The following SCD5 variants were observed in gnomAD, a reference collection of about 807,000 sequenced individuals.
SCD5 encodes stearoyl-CoA desaturase 5, also known as acyl-CoA-desaturase 4.
In SCD5, 20 loss-of-function variants were observed where a neutral mutation model predicts 30.4. The ratio of observed to expected loss-of-function variants is 0.66; its 90% confidence interval spans 0.46 to 0.96. The LOEUF (loss-of-function observed/expected upper bound fraction) is 0.96, where lower values mean the gene tolerates loss of function less well. Ranked by LOEUF, SCD5 falls within the 40% of genes least tolerant of loss-of-function variation. SCD5 has a pLI of 0.00. For missense variants in SCD5, 381 were observed against 443.3 expected (o/e 0.86, Z 1.26); for synonymous variants, 173 against 176.4 (o/e 0.98, Z 0.16).
At chr4:82,753,930 G>A (rs536040275) in intron 1 of SCD5, among the ~76,000 whole-genome samples, 3 of 152,278 alleles carry the variant, frequency 2.0e-5, no homozygotes, top group African/African-American at 7.2e-5. Flanking sequence ...TGCCAGCTGG[G>A]AGGGTTCAAG....
intron 1 of SCD5, among the ~76,000 whole-genome samples, chr4:82,718,082 TA>T (rs1304266095): frequency 4.5e-4 from 64 of 143,096 alleles, no homozygotes; most frequent in Admixed American, 7.6e-4. Context: ...CTTTTTTTTT[TA>T]AAAAAAAAAA....
intron 1 of SCD5, among the ~76,000 whole-genome samples, chr4:82,716,567 A>C (rs1387247715): frequency 6.6e-6 from 1 of 151,790 alleles, no homozygotes; most frequent in Non-Finnish European, 1.5e-5. Flanking sequence ...TAATTCCAGC[A>C]CTTTGGGAGG....
At chr4:82,701,748 G>A (rs1350196665) in intron 2 of SCD5, among the ~76,000 whole-genome samples, 1 of 152,052 alleles carries the variant, frequency 6.6e-6, no homozygotes, top group Non-Finnish European at 1.5e-5. Context: ...TCATTACCAT[G>A]ACTTGATAAG....
intron 3 of SCD5, among the ~76,000 whole-genome samples, chr4:82,643,794 C>A (rs996465): frequency 0.71 from 107,940 of 152,098 alleles, 38,447 homozygotes; most frequent in Admixed American, 0.78. Context: ...AGCACAGGGG[C>A]AGAAATCATT....
In SCD5 at chr4:82,664,999, C is replaced by CTCTATA. The variant is rs1219554314; in HGVS notation, c.569+15707_569+15708insTATAGA. The stretch of plus-strand genomic sequence containing the variant: ...TCTCTCTCTCTCTCTCTCTCTCTCT[C>CTCTATA]TATATATATATATATATATATGTAT... On this transcript the variant is annotated intron_variant, in intron 3 of 4. Coordinates refer to ENST00000319540, the MANE Select transcript of SCD5 (RefSeq NM_001037582.3). 6.5e-3 allele frequency among the ~76,000 whole-genome samples: 455 copies of CTCTATA among 70,466 alleles called. 3 individuals are homozygous for CTCTATA. The highest frequency in any genetic ancestry group is 0.016 in the Middle Eastern group (2 of 122). The allele number at this position is 70,466 out of a possible 152,430, so 46.2% of individuals were successfully genotyped here. A position where few individuals can be genotyped will look rare whatever the true frequency, so the allele number is the denominator to read the frequency against.
intron 1 of SCD5, among the ~76,000 whole-genome samples, chr4:82,797,409 A>G (rs1216680278): frequency 6.6e-6 from 1 of 151,866 alleles, no homozygotes; most frequent in Non-Finnish European, 1.5e-5. Context: ...GCGGCTGCGA[A>G]GTGGTTCAAA....
chr4:82,643,059 TA>T (rs368415451), intron 3 of SCD5, among the ~76,000 whole-genome samples: 36 of 152,276 alleles, frequency 2.4e-4, no homozygotes, highest in African/African-American at 7.0e-4. Flanking sequence ...TGTGACATGA[TA>T]GAGGCCAATA....
At chr4:82,712,294 ATATT>A (rs1720123713) in intron 1 of SCD5, among the ~76,000 whole-genome samples, 1 of 32,050 alleles carries the variant, frequency 3.1e-5, no homozygotes, top group African/African-American at 1.3e-4. Flanking sequence ...ATATATATAT[ATATT>A]TTATTTTTAT....
intron 1 of SCD5, among the ~76,000 whole-genome samples, chr4:82,756,989 T>C (rs1160259093): frequency 6.6e-6 from 1 of 152,016 alleles, no homozygotes; most frequent in Non-Finnish European, 1.5e-5. Context: ...CCTTGACCTC[T>C]CAAAGTGCTG....
In SCD5 at chr4:82,680,012, T is replaced by C. The variant is rs185107236; in HGVS notation, c.569+695A>G. ...TATTGCTTTAGGTGCTACAAGCTCA[T>C]CACAGCCAAATTTTGCAGACCCAGA... On this transcript the variant is annotated intron_variant, in intron 3 of 4. Coordinates refer to ENST00000319540, the MANE Select transcript of SCD5 (RefSeq NM_001037582.3). Among the ~76,000 whole-genome samples the C allele has an allele frequency of 2.0e-5, 3 of 152,294 alleles. No individual in the cohort carries two copies. The East Asian group carries it at 5.8e-4, about 29-fold the overall frequency.
At chr4:82,732,131 T>A (rs1229310492) in intron 1 of SCD5, among the ~76,000 whole-genome samples, 2 of 152,156 alleles carry the variant, frequency 1.3e-5, no homozygotes, top group South Asian at 4.2e-4. Flanking sequence ...GACGGAGTCT[T>A]GCTCTGTCAC....
intron 4 of SCD5, among the ~76,000 whole-genome samples, chr4:82,634,416 T>G (rs979385387): frequency 2.9e-4 from 44 of 152,316 alleles, no homozygotes; most frequent in Admixed American, 2.0e-4. Context: ...AACGAGTACC[T>G]CAAGATGGAT....
chr4:82,680,663 C>T, intron 3 of SCD5, 44 bp downstream of exon 3: 2 of 1,579,632 alleles, frequency 1.3e-6, no homozygotes, highest in Non-Finnish European at 1.7e-6. Flanking sequence ...GTTTCTATGT[C>T]CTGGCCCCTG....
chr4:82,702,334 G>A (rs1010209119), intron 2 of SCD5, among the ~76,000 whole-genome samples: 3 of 151,590 alleles, frequency 2.0e-5, no homozygotes, highest in African/African-American at 4.9e-5. Flanking sequence ...TAGTAGAGAC[G>A]GGGTTTTGCC....
chr4:82,681,703 A>T (rs2148821646), intron 2 of SCD5, among the ~76,000 whole-genome samples: 1 of 152,258 alleles, frequency 6.6e-6, no homozygotes, highest in East Asian at 1.9e-4. Context: ...TGGGTGATGA[A>T]ATAATCTGTA....
At chr4:82,795,652 T>C (rs144703334) in intron 1 of SCD5, among the ~76,000 whole-genome samples, 9 of 151,392 alleles carry the variant, frequency 5.9e-5, no homozygotes, top group East Asian at 3.9e-4. Flanking sequence ...CCCCCATCTC[T>C]ACAAAAAAAT....
chr4:82,658,673 G>A (rs1727921036), intron 3 of SCD5, among the ~76,000 whole-genome samples: 1 of 141,760 alleles, frequency 7.1e-6, no homozygotes, highest in African/African-American at 2.7e-5. Context: ...TAGTGGAGAT[G>A]GGGTTTCACC....
intron 1 of SCD5, among the ~76,000 whole-genome samples, chr4:82,755,121 G>C (rs750734753): frequency 6.8e-6 from 1 of 146,100 alleles, no homozygotes; most frequent in African/African-American, 2.5e-5. Flanking sequence ...AAGATGGGGG[G>C]TGAGGATGGG....
intron 1 of SCD5, among the ~76,000 whole-genome samples, chr4:82,717,419 T>C (rs1720251652): frequency 1.3e-5 from 2 of 151,744 alleles, no homozygotes; most frequent in South Asian, 2.1e-4. Flanking sequence ...AAATCACCAT[T>C]AGGGAAAATT....
Sources: allele counts gnomAD v4.1 joint callset (sites outside exome capture counted in the v4.1 genomes callset), GRCh38; gene constraint gnomAD v4.1.1; transcripts MANE v1.5; gene names NCBI Gene and HGNC (gene_info 2026-07-23, HGNC 2026-07-21).